PHF24: variants seen among roughly 807,000 people sequenced by gnomAD.
PHF24 encodes Galpha inhibitory interacting protein.
In PHF24, 25 loss-of-function variants were observed where a neutral mutation model predicts 42.6. The observed-to-expected ratio is 0.59, with a 90% confidence interval of 0.43 to 0.82. The LOEUF is 0.82. Among genes scored for constraint, PHF24 ranks in the 40% least tolerant of loss-of-function variants. The pLI, the probability that PHF24 is intolerant of heterozygous loss-of-function variation, is 0.00. For missense variants in PHF24, 470 were observed against 538.1 expected (o/e 0.87, Z 1.25); for synonymous variants, 185 against 204.8 (o/e 0.90, Z 0.83).
the PHF24 span, among the ~76,000 whole-genome samples, chr9:34,879,628 A>G: frequency 6.6e-6 from 1 of 152,240 alleles, no homozygotes; most frequent in Non-Finnish European, 1.5e-5. Context: ...AATGAATGAA[A>G]TGAAGCGAGA....
At chr9:34,882,390 G>A in the PHF24 span, among the ~76,000 whole-genome samples, 1 of 152,116 alleles carries the variant, frequency 6.6e-6, no homozygotes, top group Non-Finnish European at 1.5e-5. Context: ...AAGAAATAAA[G>A]GGTTTTCAAT....
At chr9:34,839,056 T>G in the PHF24 span, among the ~76,000 whole-genome samples, 1 of 152,118 alleles carries the variant, frequency 6.6e-6, no homozygotes, top group African/African-American at 2.4e-5. Context: ...TGTGGTAGGG[T>G]GATAGGGAGA....
At chr9:34,730,699 T>C in the PHF24 span, among the ~76,000 whole-genome samples, 1 of 152,254 alleles carries the variant, frequency 6.6e-6, no homozygotes, top group African/African-American at 2.4e-5. Context: ...ACATTCCATT[T>C]CAGAGAAGAG....
At chr9:34,924,585 A>G in the PHF24 span, among the ~76,000 whole-genome samples, 1 of 152,170 alleles carries the variant, frequency 6.6e-6, no homozygotes, top group Non-Finnish European at 1.5e-5. Context: ...TGATATTAGT[A>G]TAGCTACTCC....
the PHF24 span, among the ~76,000 whole-genome samples, chr9:34,825,732 C>G: frequency 6.6e-6 from 1 of 151,932 alleles, no homozygotes; most frequent in Non-Finnish European, 1.5e-5. Context: ...TGTGCTTACT[C>G]TGAACTCTTA....
intron 1 of PHF24, among the ~76,000 whole-genome samples, chr9:34,960,788 G>C (rs1826564149): frequency 6.6e-6 from 1 of 152,110 alleles, no homozygotes. Context: ...AAAATCCTAA[G>C]AATACAGCCT....
At chr9:34,845,465 T>A in the PHF24 span, among the ~76,000 whole-genome samples, 10 of 152,298 alleles carry the variant, frequency 6.6e-5, no homozygotes, top group African/African-American at 2.4e-4. Context: ...TATGCTTTAA[T>A]TCTTACTCTT....
At chr9:34,830,182 T>C in the PHF24 span, among the ~76,000 whole-genome samples, 4 of 152,260 alleles carry the variant, frequency 2.6e-5, no homozygotes, top group African/African-American at 7.2e-5. Flanking sequence ...TCCATTCTTG[T>C]GACTTTGACT....
chr9:34,718,866 A>G, the PHF24 span, among the ~76,000 whole-genome samples: 1 of 152,172 alleles, frequency 6.6e-6, no homozygotes, highest in Non-Finnish European at 1.5e-5. Flanking sequence ...AATTCCCTCC[A>G]GCCAATTCTG....
At chr9:34,966,327 C>G (rs562114682) in intron 1 of PHF24, among the ~76,000 whole-genome samples, 5 of 152,116 alleles carry the variant, frequency 3.3e-5, no homozygotes, top group Non-Finnish European at 4.4e-5. Context: ...TGGCTGGAAC[C>G]TATAATCCTA....
At chr9:34,732,316 T>A in the PHF24 span, among the ~76,000 whole-genome samples, 1 of 152,196 alleles carries the variant, frequency 6.6e-6, no homozygotes, top group Non-Finnish European at 1.5e-5. Context: ...TGAGATGATA[T>A]CTCAGTGTAG....
chr9:34,839,467 T>C, the PHF24 span, among the ~76,000 whole-genome samples: 1 of 152,238 alleles, frequency 6.6e-6, no homozygotes. Context: ...CCGATTAATT[T>C]ATACATTTAT....
chr9:34,874,243 A>G, the PHF24 span, among the ~76,000 whole-genome samples: 12 of 152,118 alleles, frequency 7.9e-5, no homozygotes, highest in Non-Finnish European at 1.5e-4. Context: ...TTGAATAGGA[A>G]TGGTGAGAGA....
chr9:34,906,226 G>A, the PHF24 span, among the ~76,000 whole-genome samples: 4 of 152,252 alleles, frequency 2.6e-5, no homozygotes, highest in African/African-American at 9.6e-5. Context: ...GTCTCAAGAG[G>A]TCCTGAGAAA....
At chr9:34,673,533 T>C in the PHF24 span, among the ~76,000 whole-genome samples, 84,319 of 151,184 alleles carry the variant, frequency 0.56, 23,869 homozygotes, top group East Asian at 0.8. Flanking sequence ...TGCAGAGGTG[T>C]GATCTCGGCT....
the PHF24 span, among the ~76,000 whole-genome samples, chr9:34,845,082 C>T: frequency 6.6e-6 from 1 of 151,956 alleles, no homozygotes; most frequent in Non-Finnish European, 1.5e-5. Flanking sequence ...ATATAATGAC[C>T]TTCTTTGTCT....
At chr9:34,688,588 C>T in the PHF24 span, among the ~76,000 whole-genome samples, 4 of 152,146 alleles carry the variant, frequency 2.6e-5, no homozygotes, top group South Asian at 6.2e-4. Context: ...TCTTCCACCC[C>T]GTGGGCCTCT....
At chr9:34,814,985 C>T in the PHF24 span, among the ~76,000 whole-genome samples, 1 of 152,198 alleles carries the variant, frequency 6.6e-6, no homozygotes, top group Non-Finnish European at 1.5e-5. Flanking sequence ...AGGTGATCTG[C>T]CCACCCAAAG....
the PHF24 span, among the ~76,000 whole-genome samples, chr9:34,695,052 G>T: frequency 1.2e-4 from 19 of 152,316 alleles, no homozygotes; most frequent in East Asian, 3.1e-3. Flanking sequence ...GGGGCCTCTA[G>T]ACAGCCTCTG....
Sources: gnomAD v4.1 joint callset for allele counts (sites outside exome capture counted in the v4.1 genomes callset) on GRCh38, gnomAD v4.1.1 for gene constraint, MANE v1.5 for transcripts, NCBI Gene and HGNC (gene_info 2026-07-23, HGNC 2026-07-21) for gene names.